The following TDRD5 variants were observed in gnomAD, a reference collection of about 807,000 sequenced individuals.
The protein encoded by TDRD5 is tudor domain containing 5.
TDRD5 carries 41 observed loss-of-function variants against 120.6 expected under a neutral mutation model. That is an observed-to-expected ratio of 0.34 (90% confidence interval 0.26 to 0.44). The LOEUF (loss-of-function observed/expected upper bound fraction) is 0.44. Among genes scored for constraint, TDRD5 ranks in the 20% least tolerant of loss-of-function variants. The pLI is 1.00. For synonymous variants in TDRD5, 430 were observed against 433.7 expected, an observed-to-expected ratio of 0.99 and a Z score of 0.11; for missense variants, 1,006 against 1,221.2, an observed-to-expected ratio of 0.82 and a Z score of 2.63.
intron 17 of TDRD5, among the ~76,000 whole-genome samples, chr1:179,679,206 G>A (rs998414980): frequency 2.0e-5 from 3 of 151,910 alleles, no homozygotes; most frequent in Non-Finnish European, 4.4e-5. Flanking sequence ...ACATTCCTGG[G>A]ATAATGCCCT....
intron 17 of TDRD5, among the ~76,000 whole-genome samples, chr1:179,679,435 T>C (rs891451094): frequency 3.3e-5 from 5 of 152,108 alleles, no homozygotes; most frequent in African/African-American, 7.2e-5. Flanking sequence ...GAAGAATTTG[T>C]GTGGAATTGA....
At chr1:179,625,227 A>G (rs757293781) in intron 6 of TDRD5, among the ~76,000 whole-genome samples, 1 of 152,160 alleles carries the variant, frequency 6.6e-6, no homozygotes, top group East Asian at 1.9e-4. Context: ...TTAAAGGTCT[A>G]AAACTTCCAG....
chr1:179,609,756 G>A (rs1676182887), intron 4 of TDRD5, among the ~76,000 whole-genome samples: 1 of 152,152 alleles, frequency 6.6e-6, no homozygotes. Flanking sequence ...TGAGTTTGGA[G>A]TATTGTTCAG....
chr1:179,679,387 T>C (rs1405690966), intron 17 of TDRD5, among the ~76,000 whole-genome samples: 3 of 152,132 alleles, frequency 2.0e-5, no homozygotes, highest in African/African-American at 7.2e-5. Flanking sequence ...ATAAAATAAG[T>C]TGGGAAGTGT....
Position 179,639,986 on chromosome 1 carries a change from T to C in TDRD5, c.1668T>C (p.Val556=). ...IIHRVLEKQE[V]EVFYPDFGNI... ...ATCGAGTCCTTGAGAAACAGGAAGT[T>C]GAAGTGTTCTACCCAGACTTTGGAA... is the stretch of plus-strand genomic sequence containing the variant. Residue 556 remains valine, a synonymous_variant, in exon 10 of 18, where the codon GTT becomes GTC. Coordinates refer to ENST00000444136, the MANE Select transcript of TDRD5 (RefSeq NM_001199085.3). The C allele has an allele frequency of 6.2e-7, 1 of 1,614,176 alleles. No homozygotes were observed. The highest frequency in any genetic ancestry group is 8.5e-7 in the Non-Finnish European group (1 of 1,180,004).
chr1:179,637,622 C>T (rs976380436), intron 9 of TDRD5, among the ~76,000 whole-genome samples: 1 of 151,316 alleles, frequency 6.6e-6, no homozygotes. Flanking sequence ...TGGTGCATGC[C>T]TGTAGTCCCA....
At chr1:179,618,082 C>T (rs1057456521) in intron 4 of TDRD5, among the ~76,000 whole-genome samples, 1 of 152,160 alleles carries the variant, frequency 6.6e-6, no homozygotes, top group Admixed American at 6.6e-5. Context: ...TCTGTACCTT[C>T]TGACTCCACA....
rs183579367 is a variant in TDRD5, at chr1:179,691,101, A to G, written c.*158A>G. ...GTTAGCTTTATTATGCTAACAGTCT[A>G]CTTTGATGTGTAAGTAAGTATTGAT... On this transcript the variant is annotated 3_prime_UTR_variant, in exon 18 of 18. Coordinates refer to ENST00000444136, the MANE Select transcript of TDRD5 (RefSeq NM_001199085.3). The G allele has an allele frequency of 4.2e-5, 38 of 912,304 alleles. No homozygotes were observed. In the East Asian group the frequency reaches 9.7e-4, roughly 23 times the overall value. The allele number at this position is 912,304 out of a possible 1,614,324, so 56.5% of individuals were successfully genotyped here.
chr1:179,599,452 T>TTGGGCC (rs140317470), intron 4 of TDRD5, among the ~76,000 whole-genome samples: 12,899 of 152,050 alleles, frequency 0.085, 693 homozygotes, highest in African/African-American at 0.14. Context: ...GTGAACCAAA[T>TTGGGCC]TGGAGCTTTC....
intron 14 of TDRD5, among the ~76,000 whole-genome samples, chr1:179,659,605 G>A (rs943132426): frequency 1.8e-4 from 26 of 147,194 alleles, no homozygotes; most frequent in African/African-American, 6.2e-4. Flanking sequence ...GCGCTTGCCT[G>A]GTATATTTTT....
chr1:179,680,935 C>T (rs1009820826), intron 17 of TDRD5, among the ~76,000 whole-genome samples: 2 of 152,120 alleles, frequency 1.3e-5, no homozygotes, highest in African/African-American at 4.8e-5. Context: ...AAACAAAAAA[C>T]AAATAGCAAA....
intron 4 of TDRD5, among the ~76,000 whole-genome samples, chr1:179,612,074 T>C (rs1214783820): frequency 1.3e-5 from 2 of 152,232 alleles, no homozygotes; most frequent in South Asian, 4.1e-4. Context: ...CAAGTTTGTG[T>C]TTTTATGTGC....
At chr1:179,672,287 A>AT (rs1341437754) in intron 17 of TDRD5, among the ~76,000 whole-genome samples, 1 of 151,784 alleles carries the variant, frequency 6.6e-6, no homozygotes, top group Non-Finnish European at 1.5e-5. Context: ...TTATTTTTTT[A>AT]TTTTTTTGAT....
intron 6 of TDRD5, among the ~76,000 whole-genome samples, chr1:179,630,222 C>G (rs975571654): frequency 2.0e-5 from 3 of 152,170 alleles, no homozygotes; most frequent in Admixed American, 6.5e-5. Flanking sequence ...TGGTTTCGAT[C>G]TCCTGATGTC....
At position 179,635,669 on chromosome 1, in the gene TDRD5, A is replaced by C. The variant is rs747830500; in HGVS notation, c.1302A>C (p.Gln434His). 1.2e-6 allele frequency: 2 copies of C among 1,613,568 alleles called. No homozygotes were observed. Among genetic ancestry groups the C allele is most frequent in the East Asian group, 4.5e-5 (2 of 44,892 alleles). The change falls in exon 9 of 18, where the codon CAA (glutamine) becomes CAC (histidine). Residue 434 changes from glutamine (Q) to histidine (H), a missense_variant and splice_region_variant. Physicochemically the swap from Gln to His is conservative, Grantham distance 24 (BLOSUM62 0). This residue lies in a region of TDRD5 where 445 missense variants were observed against 515.5 expected (regional missense o/e 0.86). Transcript: ENST00000444136. ...AATTTTTTTTTTCTAACTTATAGCA[A>C]GTAGAAACAAACAAATCAGAGCTCA... Reference protein sequence around the residue: ...PNLVVKPLQLQVETNKSELNL... With the variant: ...PNLVVKPLQLHVETNKSELNL...
At chr1:179,628,659 C>A (rs529587742) in intron 6 of TDRD5, among the ~76,000 whole-genome samples, 2 of 152,038 alleles carry the variant, frequency 1.3e-5, no homozygotes, top group African/African-American at 4.8e-5. Context: ...GAAAGCATAA[C>A]AAAGGAATTA....
chr1:179,610,319 A>G (rs1676213270), intron 4 of TDRD5, among the ~76,000 whole-genome samples: 1 of 152,184 alleles, frequency 6.6e-6, no homozygotes, highest in African/African-American at 2.4e-5. Context: ...TCCTGTGCCA[A>G]AGAAGCCTGA....
At chr1:179,626,530 A>G (rs920625610) in intron 6 of TDRD5, among the ~76,000 whole-genome samples, 4 of 152,182 alleles carry the variant, frequency 2.6e-5, no homozygotes, top group Non-Finnish European at 5.9e-5. Context: ...CACTGCGTGT[A>G]AATTTTACCT....
intron 15 of TDRD5, 102 bp from the exon 16 acceptor site, chr1:179,663,246 A>G: frequency 7.4e-7 from 1 of 1,343,898 alleles, no homozygotes; most frequent in South Asian, 1.5e-5. Context: ...ACCTTTTTTA[A>G]AAATATGTAT....
Sources: gnomAD v4.1 joint callset for allele counts (sites outside exome capture counted in the v4.1 genomes callset) on GRCh38, gnomAD v4.1.1 for gene constraint, gnomAD v4.1.1 regional missense constraint, MANE v1.5 for transcripts, NCBI Gene and HGNC (gene_info 2026-07-23, HGNC 2026-07-21) for gene names.